Variants in ZNF516 observed in about 807,000 individuals in gnomAD.
The protein encoded by ZNF516 is zinc finger protein 516.
ZNF516 carries 19 observed loss-of-function variants against 79.7 expected under a neutral mutation model. That is an observed-to-expected ratio of 0.24 (90% CI 0.17 to 0.35). The LOEUF (loss-of-function observed/expected upper bound fraction) is 0.35. Ranked by LOEUF, ZNF516 falls within the 10% of genes least tolerant of loss-of-function variation. The pLI is 1.00. For missense variants in ZNF516, 1,678 were observed against 1,679.5 expected (o/e 1.00, Z 0.02); for synonymous variants, 877 against 739.5 (o/e 1.19, Z -3.02).
chr18:76,465,585 AG>A (rs1368455367), intron 1 of ZNF516, among the ~76,000 whole-genome samples: 1 of 152,214 alleles, frequency 6.6e-6, no homozygotes, highest in Non-Finnish European at 1.5e-5. Context: ...AGGGCTGGAA[AG>A]AGGCGAAAAT....
intron 6 of ZNF516, 85 bp downstream of exon 6, chr18:76,370,443 G>C: frequency 7.8e-7 from 1 of 1,287,728 alleles, no homozygotes; most frequent in Non-Finnish European, 1.1e-6. Flanking sequence ...CAAAAAGAAG[G>C]TCATGCTTCA....
Position 76,442,039 on chromosome 18 carries a change from T to C in ZNF516, c.1016A>G (p.Lys339Arg), listed in dbSNP as rs1336504471. The C allele has an allele frequency of 6.2e-7, 1 of 1,613,992 alleles. No individual in the cohort carries two copies. Among genetic ancestry groups the C allele is most frequent in the South Asian group, 1.1e-5 (1 of 91,092 alleles). Residue 339 changes from lysine (K) to arginine (R), a missense_variant, in exon 3 of 7, where the codon AAG becomes AGG. By Grantham distance (26) the Lys-to-Arg change is conservative (BLOSUM62 2). This residue lies in a region of ZNF516 where 1,294 missense variants were observed against 1,248.3 expected (regional missense o/e 1.04). Coordinates refer to ENST00000443185, the MANE Select transcript of ZNF516 (RefSeq NM_014643.4). ...AGLSLYEVCA[K>R]CGNLFTNLDS... ...CAGGTTTGTAAACAGGTTCCCGCAC[T>C]TGGCGCAGACCTCGTAGAGGCTCAG...
chr18:76,455,492 A>AC, intron 2 of ZNF516, among the ~76,000 whole-genome samples: 1 of 152,238 alleles, frequency 6.6e-6, no homozygotes, highest in South Asian at 2.1e-4. Flanking sequence ...CAGGTGGGGG[A>AC]CTTCAAGGAC....
chr18:76,425,404 TC>T (rs1279713561), intron 3 of ZNF516, among the ~76,000 whole-genome samples: 1 of 152,186 alleles, frequency 6.6e-6, no homozygotes, highest in Non-Finnish European at 1.5e-5. Flanking sequence ...TAAGGCTAGC[TC>T]ATGCACAGAC....
intron 3 of ZNF516, among the ~76,000 whole-genome samples, chr18:76,423,465 G>A (rs115032686): frequency 0.016 from 2,364 of 150,732 alleles, 71 homozygotes; most frequent in African/African-American, 0.056. Context: ...CACACATGCA[G>A]GCGAAAAGGT....
chr18:76,362,505 C>T lies in ZNF516; in HGVS notation c.3485G>A (p.Gly1162Glu), dbSNP rs1434483674. 2 of 1,613,026 alleles carry T rather than the reference C, an allele frequency of 1.2e-6. No homozygotes were observed. Among genetic ancestry groups the T allele is most frequent in the Non-Finnish European group, 1.7e-6 (2 of 1,179,262 alleles). Residue 1162 changes from glycine to glutamate, a missense_variant, in exon 7 of 7, where the codon GGA (glycine) becomes GAA (glutamate). Physicochemically the swap from Gly to Glu is moderately conservative, Grantham distance 98. Around this residue, in one of 5 missense-constraint regions of ZNF516, gnomAD observed 1,294 missense variants for 1,248.3 expected, o/e 1.04. Transcript: ENST00000443185. The part of the protein sequence containing the change: ...GTVQTVPLRK[G>E]T ...TGCGTCGGAAACACGCCTTTAGGTT[C>T]CCTTTCTCAGAGGCACTGTCTGGAC...
At chr18:76,446,029 G>A (rs1912027724) in intron 2 of ZNF516, among the ~76,000 whole-genome samples, 1 of 151,850 alleles carries the variant, frequency 6.6e-6, no homozygotes, top group African/African-American at 2.4e-5. Context: ...GCCAACACAG[G>A]GCATTCAGCA....
intron 1 of ZNF516, among the ~76,000 whole-genome samples, chr18:76,488,587 C>T (rs1914973695): frequency 6.6e-6 from 1 of 152,026 alleles, no homozygotes; most frequent in East Asian, 1.9e-4. Context: ...TTGAGTGTGT[C>T]AGAATAGCTT....
chr18:76,471,732 G>T (rs1017028889), intron 1 of ZNF516, among the ~76,000 whole-genome samples: 7 of 152,188 alleles, frequency 4.6e-5, no homozygotes, highest in African/African-American at 1.7e-4. Context: ...CAGGAGCCGG[G>T]TCCAGCATGC....
intron 3 of ZNF516, among the ~76,000 whole-genome samples, chr18:76,412,077 G>C (rs534054328): frequency 6.6e-6 from 1 of 152,290 alleles, no homozygotes; most frequent in Non-Finnish European, 1.5e-5. Flanking sequence ...TCGGCAAAAT[G>C]CAAGAGCAGC....
intron 1 of ZNF516, chr18:76,492,101 G>A: frequency 1.1e-6 from 1 of 947,676 alleles, no homozygotes; most frequent in Non-Finnish European, 1.3e-6. Context: ...TCTCCCTGCA[G>A]GGGTCTCCGG....
chr18:76,462,220 G>A (rs1445103320), intron 2 of ZNF516, among the ~76,000 whole-genome samples: 1 of 152,196 alleles, frequency 6.6e-6, no homozygotes, highest in African/African-American at 2.4e-5. Context: ...GGCAGGACTT[G>A]CACCAGCAGC....
Position 76,380,215 on chromosome 18 carries a change from G to T in ZNF516, c.1899C>A (p.Asn633Lys). 6.2e-7 allele frequency: 1 copy of T among 1,613,974 alleles called. No homozygotes were observed. Among genetic ancestry groups the T allele is most frequent in the Non-Finnish European group, 8.5e-7 (1 of 1,179,886 alleles). Residue 633 changes from asparagine (N) to lysine (K), a missense_variant, in exon 4 of 7, where the codon AAC becomes AAA. Asn to Lys is a moderately conservative substitution (Grantham distance 94). Around this residue, in one of 5 missense-constraint regions of ZNF516, gnomAD observed 1,294 missense variants for 1,248.3 expected, o/e 1.04. Coordinates refer to ENST00000443185, the MANE Select transcript of ZNF516 (RefSeq NM_014643.4). ...SGDQSHKMGD[N>K]ASERDTGESK... The stretch of plus-strand genomic sequence containing the variant: ...ACTCGCCGGTGTCTCTTTCCGAGGC[G>T]TTATCTCCCATCTTGTGACTCTGGT...
rs141221947 is a variant in ZNF516 at position 76,456,706 on chromosome 18, G to A, written c.-158+6322C>T. ...GCTGCTGCATCTTTATCTGGGTAAC[G>A]TAACTCAGAAGGCAAAACTCACTGA... On this transcript the variant is annotated intron_variant, in intron 2 of 6. Transcript: ENST00000443185. Among the ~76,000 whole-genome samples, 229 of 121,080 alleles carry A rather than the reference G, an allele frequency of 1.9e-3. 2 individuals are homozygous for A. Among genetic ancestry groups the A allele is most frequent in the Middle Eastern group, 5.9e-3 (1 of 170 alleles). The allele number at this position is 121,080 out of a possible 152,430, so 79.4% of individuals were successfully genotyped here. A position where few individuals can be genotyped will look rare whatever the true frequency, so the allele number is the denominator to read the frequency against.
At chr18:76,413,867 T>G (rs2075400961) in intron 3 of ZNF516, among the ~76,000 whole-genome samples, 2 of 152,234 alleles carry the variant, frequency 1.3e-5, no homozygotes, top group Non-Finnish European at 1.5e-5. Context: ...AGTTCTTATG[T>G]ATTCAAGACT....
chr18:76,406,056 C>T (rs549652552), intron 3 of ZNF516, among the ~76,000 whole-genome samples: 1 of 152,168 alleles, frequency 6.6e-6, no homozygotes, highest in Non-Finnish European at 1.5e-5. Context: ...TGTCATCAGA[C>T]GACAGCGCAC....
intron 6 of ZNF516, among the ~76,000 whole-genome samples, chr18:76,366,413 T>C (rs188745781): frequency 2.4e-4 from 36 of 152,352 alleles, no homozygotes; most frequent in African/African-American, 7.7e-4. Flanking sequence ...ACTATGCCTA[T>C]CTTGACAACA....
intron 3 of ZNF516, among the ~76,000 whole-genome samples, chr18:76,402,368 C>T (rs2075242148): frequency 6.6e-6 from 1 of 151,288 alleles, no homozygotes; most frequent in South Asian, 2.1e-4. Context: ...CCCACAGGCC[C>T]CTTCAGCTTT....
intron 3 of ZNF516, among the ~76,000 whole-genome samples, chr18:76,402,395 T>C (rs1242813025): frequency 1.5e-5 from 1 of 64,698 alleles, no homozygotes; most frequent in Non-Finnish European, 3.1e-5. Flanking sequence ...CTAAGATGCC[T>C]AGGTCCGAGG....
Sources: gnomAD v4.1 joint callset for allele counts (sites outside exome capture counted in the v4.1 genomes callset) on GRCh38, gnomAD v4.1.1 for gene constraint, gnomAD v4.1.1 regional missense constraint, MANE v1.5 for transcripts, NCBI Gene and HGNC (gene_info 2026-07-23, HGNC 2026-07-21) for gene names.